Variants in CAB39L observed in about 807,000 individuals in gnomAD.
CAB39L encodes calcium-binding protein 39-like.
A neutral mutation model predicts 39.1 loss-of-function variants in CAB39L; 23 were observed. The ratio of observed to expected loss-of-function variants is 0.59; its 90% confidence interval spans 0.42 to 0.83. The LOEUF (loss-of-function observed/expected upper bound fraction) is 0.83. Ranked by LOEUF, CAB39L falls within the 40% of genes least tolerant of loss-of-function variation. The pLI, the probability that CAB39L is intolerant of heterozygous loss-of-function variation, is 0.00. For synonymous variants in CAB39L, 126 were observed against 137.2 expected, an observed-to-expected ratio of 0.92 and a Z score of 0.57; for missense variants, 366 against 391.9, an observed-to-expected ratio of 0.93 and a Z score of 0.56.
chr13:49,395,501 GGAT>G (rs1956593911), intron 3 of CAB39L, among the ~76,000 whole-genome samples: 1 of 151,962 alleles, frequency 6.6e-6, no homozygotes, highest in Admixed American at 6.6e-5. Flanking sequence ...CAAAGTGCTG[GGAT>G]TACAGGCATG....
chr13:49,346,590 G>C (rs527847002), intron 7 of CAB39L, among the ~76,000 whole-genome samples: 2 of 152,230 alleles, frequency 1.3e-5, no homozygotes, highest in African/African-American at 4.8e-5. Context: ...ACTTGGGGTA[G>C]AGTGAGAGAG....
intron 5 of CAB39L, 64 bp downstream of exon 5, chr13:49,376,903 A>G (rs984064754): frequency 3.9e-6 from 5 of 1,278,900 alleles, no homozygotes; most frequent in Middle Eastern, 2.0e-4. Context: ...AGATAGATAG[A>G]TAGATAGATA....
chr13:49,407,542 C>G (rs182468431), intron 3 of CAB39L, among the ~76,000 whole-genome samples: 3 of 151,752 alleles, frequency 2.0e-5, no homozygotes, highest in East Asian at 1.9e-4. Context: ...GATCCCCCCC[C>G]AAAAAAATCA....
chr13:49,329,544 A>AT (rs1435309431), intron 10 of CAB39L, among the ~76,000 whole-genome samples: 3 of 33,798 alleles, frequency 8.9e-5, no homozygotes, highest in Admixed American at 3.8e-4. Flanking sequence ...TAAAAAAAAA[A>AT]ATATATATAT....
intron 10 of CAB39L, among the ~76,000 whole-genome samples, chr13:49,313,109 C>T (rs778087029): frequency 1.3e-5 from 2 of 152,144 alleles, no homozygotes; most frequent in East Asian, 1.9e-4. Context: ...AAAGGACAAA[C>T]GTGAATAGTC....
chr13:49,308,909 A>G lies in CAB39L; in HGVS notation c.*1905T>C, dbSNP rs189436281. ...GATAATGGGTTGCTAGGAAAGAGCTAATGCAAGCCCAAAGGAAATAAAATG... is the reference window on the plus strand; with the variant it reads ...GATAATGGGTTGCTAGGAAAGAGCTGATGCAAGCCCAAAGGAAATAAAATG... On this transcript the variant is annotated 3_prime_UTR_variant, in exon 11 of 11. Coordinates refer to ENST00000409308, the MANE Select transcript of CAB39L (RefSeq NM_001079670.3). 8 of 152,430 alleles carry G rather than the reference A, an allele frequency of 5.2e-5. No homozygotes were observed. The highest frequency in any genetic ancestry group is 5.2e-4 in the Admixed American group (8 of 15,310). The allele number at this position is 152,430 out of a possible 1,614,324, so 9.4% of individuals were successfully genotyped here. A position where few individuals can be genotyped will look rare whatever the true frequency, so the allele number is the denominator to read the frequency against.
At chr13:49,380,969 C>T (rs1956242070) in intron 4 of CAB39L, among the ~76,000 whole-genome samples, 1 of 152,120 alleles carries the variant, frequency 6.6e-6, no homozygotes, top group Non-Finnish European at 1.5e-5. Flanking sequence ...CTCTTGTCAC[C>T]GAGGCTGGAG....
At chr13:49,347,492 A>T (rs181861024) in intron 7 of CAB39L, among the ~76,000 whole-genome samples, 6 of 152,248 alleles carry the variant, frequency 3.9e-5, no homozygotes, top group African/African-American at 1.4e-4. Flanking sequence ...TTAAAAAATG[A>T]ATTTACTTGT....
At chr13:49,364,382 A>G (rs1200148124) in intron 5 of CAB39L, among the ~76,000 whole-genome samples, 1 of 152,234 alleles carries the variant, frequency 6.6e-6, no homozygotes, top group African/African-American at 2.4e-5. Flanking sequence ...CAGATCTTAG[A>G]TTTGGAGCAT....
intron 9 of CAB39L, among the ~76,000 whole-genome samples, chr13:49,337,772 AC>A (rs1844876856): frequency 1.5e-5 from 2 of 137,594 alleles, no homozygotes; most frequent in African/African-American, 5.3e-5. Context: ...ACACACACAC[AC>A]ACGCCTATCT....
chr13:49,375,570 C>T (rs1026628955), intron 5 of CAB39L, among the ~76,000 whole-genome samples: 4 of 152,010 alleles, frequency 2.6e-5, no homozygotes, highest in African/African-American at 9.7e-5. Flanking sequence ...ACTGCATGTT[C>T]TCATTCATAG....
chr13:49,376,891 G>GTAGA (rs111664849), intron 5 of CAB39L, 76 bp downstream of exon 5: 30,351 of 787,110 alleles, frequency 0.039, 873 homozygotes, highest in Admixed American at 0.077. Context: ...AAGTTGAATA[G>GTAGA]TAGATAGATA....
At chr13:49,346,159 C>G (rs1445362170) in intron 7 of CAB39L, among the ~76,000 whole-genome samples, 1 of 107,656 alleles carries the variant, frequency 9.3e-6, no homozygotes, top group African/African-American at 3.7e-5. Context: ...CACACATTCC[C>G]TCTCTCACGC....
At chr13:49,418,372 G>A (rs1158634600) in intron 3 of CAB39L, among the ~76,000 whole-genome samples, 2 of 152,150 alleles carry the variant, frequency 1.3e-5, no homozygotes, top group Admixed American at 6.5e-5. Context: ...CTAGAGTTAG[G>A]AGGGTTGAGA....
intron 10 of CAB39L, among the ~76,000 whole-genome samples, chr13:49,329,547 ATATATATATATATATATATAT>A (rs1566066072): frequency 0.052 from 1,718 of 33,070 alleles, 195 homozygotes; most frequent in African/African-American, 0.13. Context: ...AAAAAAAAAT[ATATATATATATATATATATAT>A]ATATATATAT....
At chr13:49,417,506 A>G (rs1957103992) in intron 3 of CAB39L, among the ~76,000 whole-genome samples, 1 of 152,220 alleles carries the variant, frequency 6.6e-6, no homozygotes, top group African/African-American at 2.4e-5. Flanking sequence ...AGTGAAGCCA[A>G]CATGTCCTGT....
chr13:49,359,343 A>T (rs954521145), intron 6 of CAB39L, among the ~76,000 whole-genome samples: 1 of 152,098 alleles, frequency 6.6e-6, no homozygotes, highest in African/African-American at 2.4e-5. Context: ...CAGAATATAT[A>T]TGTGTGTGCT....
At chr13:49,400,836 C>T (rs1956754518) in intron 3 of CAB39L, among the ~76,000 whole-genome samples, 1 of 152,060 alleles carries the variant, frequency 6.6e-6, no homozygotes, top group African/African-American at 2.4e-5. Context: ...ACTGTACTGC[C>T]ACTATTTTAT....
intron 5 of CAB39L, among the ~76,000 whole-genome samples, chr13:49,364,659 TGAA>T (rs1377018086): frequency 6.6e-6 from 1 of 151,762 alleles, no homozygotes; most frequent in Non-Finnish European, 1.5e-5. Context: ...GTGAACAATC[TGAA>T]GAAGAAATCA....
Sources: allele counts gnomAD v4.1 joint callset (sites outside exome capture counted in the v4.1 genomes callset), GRCh38; gene constraint gnomAD v4.1.1; transcripts MANE v1.5; gene names NCBI Gene and HGNC (gene_info 2026-07-23, HGNC 2026-07-21).